DNAH8: variants seen among roughly 807,000 people sequenced by gnomAD.
DNAH8 encodes axonemal beta dynein heavy chain 8.
Under a neutral mutation model 562.1 loss-of-function variants are expected in DNAH8, and 382 were observed. The observed-to-expected ratio is 0.68, with a 90% CI of 0.63 to 0.74. The LOEUF (loss-of-function observed/expected upper bound fraction) is 0.74. Among genes scored for constraint, DNAH8 ranks in the 30% least tolerant of loss-of-function variants. The pLI is 0.00. For synonymous variants in DNAH8, 1,881 were observed against 1,919.4 expected (o/e 0.98, Z 0.52); for missense variants, 5,203 against 5,620.4 (o/e 0.93, Z 2.37).
At chr6:39,001,523 G>A (rs934316228) in intron 88 of DNAH8, among the ~76,000 whole-genome samples, 12 of 152,118 alleles carry the variant, frequency 7.9e-5, no homozygotes, top group African/African-American at 2.6e-4. Context: ...TGAGGGCAGA[G>A]CATTCCAGGC....
chr6:38,949,688 G>T (rs1039126804), intron 81 of DNAH8, 118 bp downstream of exon 81: 1 of 655,194 alleles, frequency 1.5e-6, no homozygotes, highest in Non-Finnish European at 2.7e-6. Flanking sequence ...GGCAAAAACC[G>T]CAATTACTTT....
intron 21 of DNAH8, among the ~76,000 whole-genome samples, chr6:38,801,197 T>C (rs1770749810): frequency 6.6e-6 from 1 of 152,208 alleles, no homozygotes; most frequent in South Asian, 2.1e-4. Context: ...AAATTTTACG[T>C]CTATAATCCA....
At chr6:38,862,241 T>C (rs1776692497) in intron 43 of DNAH8, 39 bp from the exon 44 acceptor site, 2 of 1,584,174 alleles carry the variant, frequency 1.3e-6, no homozygotes, top group Non-Finnish European at 1.7e-6. Context: ...TAACGTGTCA[T>C]CCCATACTCA....
intron 16 of DNAH8, among the ~76,000 whole-genome samples, 193 bp downstream of exon 16, chr6:38,781,566 A>G (rs886973318): frequency 5.9e-5 from 9 of 152,228 alleles, no homozygotes; most frequent in African/African-American, 2.2e-4. Context: ...TAGATAAGCC[A>G]GTCTAATTAC....
At chr6:38,847,766 G>A (rs1206645230) in intron 36 of DNAH8, among the ~76,000 whole-genome samples, 3 of 152,130 alleles carry the variant, frequency 2.0e-5, no homozygotes, top group African/African-American at 7.2e-5. Context: ...CACTGCAGTC[G>A]GCTTCTTGCT....
chr6:38,821,605 C>T (rs997998570), intron 26 of DNAH8, among the ~76,000 whole-genome samples: 1 of 152,146 alleles, frequency 6.6e-6, no homozygotes, highest in African/African-American at 2.4e-5. Context: ...ACTCTGTTGC[C>T]CAGGCTGGAG....
In DNAH8 at chr6:38,914,392, CTTTTTTTTTTTTT is replaced by C. The variant is rs66765653; in HGVS notation, c.9963+454_9963+466del. ...GGTATATATGTGTGCTGCTTTTTCT[CTTTTTTTTTTTTT>C]TTTTTTTTTTTTTGAGACAGAGTCT... On this transcript the variant is annotated intron_variant, in intron 67 of 92. Coordinates refer to ENST00000327475, the MANE Select transcript of DNAH8 (RefSeq NM_001206927.2). Among the ~76,000 whole-genome samples, 46 of 63,988 alleles carry C rather than the reference CTTTTTTTTTTTTT, an allele frequency of 7.2e-4. 1 individual carries two copies. Among genetic ancestry groups the C allele is most frequent in the Admixed American group, 5.3e-3 (23 of 4,308 alleles). 42.0% of individuals were successfully genotyped at this position (63,988 alleles called of 152,430 possible).
intron 21 of DNAH8, among the ~76,000 whole-genome samples, chr6:38,798,947 C>G (rs1770537426): frequency 1.3e-5 from 2 of 152,148 alleles, no homozygotes; most frequent in South Asian, 4.2e-4. Context: ...ACCAGAGATG[C>G]AGCCTCCAAG....
At chr6:38,766,186 T>C (rs1364933777) in intron 11 of DNAH8, among the ~76,000 whole-genome samples, 1 of 149,836 alleles carries the variant, frequency 6.7e-6, no homozygotes, top group African/African-American at 2.4e-5. Context: ...TATAATGGAA[T>C]ATTATTCAGT....
At chr6:38,794,834 A>G (rs1430012971) in intron 21 of DNAH8, among the ~76,000 whole-genome samples, 1 of 149,710 alleles carries the variant, frequency 6.7e-6, no homozygotes, top group African/African-American at 2.5e-5. Context: ...TAGATTGTTT[A>G]TAGCTTTTGG....
At chr6:38,849,560 G>GT (rs1051809877) in intron 37 of DNAH8, among the ~76,000 whole-genome samples, 66 of 137,706 alleles carry the variant, frequency 4.8e-4, no homozygotes, top group Non-Finnish European at 7.1e-4. Flanking sequence ...GATAAAAGAG[G>GT]TTTTTTTTTT....
chr6:38,970,623 G>C (rs1005200743), intron 82 of DNAH8, among the ~76,000 whole-genome samples: 1 of 152,172 alleles, frequency 6.6e-6, no homozygotes, highest in African/African-American at 2.4e-5. Context: ...TGTCCTGACA[G>C]TGTCTCTGGT....
At chr6:38,814,977 C>T (rs1678694) in intron 25 of DNAH8, among the ~76,000 whole-genome samples, 3 of 151,976 alleles carry the variant, frequency 2.0e-5, no homozygotes, top group Non-Finnish European at 2.9e-5. Flanking sequence ...AGAAACGGTC[C>T]GTGACTCACC....
chr6:38,828,337 GA>G lies in DNAH8; in HGVS notation c.4188+57del, dbSNP rs546382282. The G allele has an allele frequency of 5.2e-4, 593 of 1,139,968 alleles. 2 individuals carry two copies. Among genetic ancestry groups the G allele is most frequent in the South Asian group, 4.4e-3 (291 of 65,818 alleles). The allele number at this position is 1,139,968 out of a possible 1,614,324, so 70.6% of individuals were successfully genotyped here. Reference sequence around the variant, plus strand: ...ATTTTTTCTTAAGTCACTATCTCCAGAAAAAAAAGGTATTTTATACCTTTTT... The same window carrying G: ...ATTTTTTCTTAAGTCACTATCTCCAGAAAAAAAGGTATTTTATACCTTTTT... On this transcript the variant is annotated intron_variant, in intron 30 of 92. Coordinates refer to ENST00000327475, the MANE Select transcript of DNAH8 (RefSeq NM_001206927.2).
intron 21 of DNAH8, among the ~76,000 whole-genome samples, chr6:38,795,717 C>G (rs1332098843): frequency 6.6e-6 from 1 of 152,142 alleles, no homozygotes. Flanking sequence ...TCTCACAAAC[C>G]TACCAGCAAG....
intron 79 of DNAH8, among the ~76,000 whole-genome samples, chr6:38,940,754 G>A (rs1051204404): frequency 6.6e-6 from 1 of 152,134 alleles, no homozygotes; most frequent in Non-Finnish European, 1.5e-5. Flanking sequence ...TTTGAAAGGC[G>A]GGGAAACAGT....
At chr6:38,840,664 C>A (rs886700992) in intron 33 of DNAH8, among the ~76,000 whole-genome samples, 2 of 152,216 alleles carry the variant, frequency 1.3e-5, no homozygotes, top group Non-Finnish European at 2.9e-5. Flanking sequence ...ATGCTGCTTT[C>A]TCTTTCCTGT....
At chr6:38,825,675 G>A (rs1423383074) in intron 28 of DNAH8, among the ~76,000 whole-genome samples, 1 of 152,114 alleles carries the variant, frequency 6.6e-6, no homozygotes, top group African/African-American at 2.4e-5. Flanking sequence ...GGGACAACTG[G>A]CTAGGTCCAG....
In DNAH8 at chr6:38,951,346, C is replaced by G. The variant is rs775302234; in HGVS notation, c.12277C>G (p.Gln4093Glu). 1.9e-6 allele frequency: 3 copies of G among 1,614,148 alleles called. No individual in the cohort carries two copies. The highest frequency in any genetic ancestry group is 2.5e-6 in the Non-Finnish European group (3 of 1,180,022). ...RSWCPDRTVF[Q>E]ARKYIADSLE... is the part of the protein sequence containing the mutation. ...TTGGTGCCCAGACCGTACTGTTTTT[C>G]AAGCAAGAAAGTATATTGCAGATTC... The change falls in exon 82 of 93, where the codon CAA (glutamine) becomes GAA (glutamate). Residue 4093 changes from glutamine (Q) to glutamate (E), a missense_variant. This residue lies in a region of DNAH8 where 1,399 missense variants were observed against 1,518.4 expected (regional missense o/e 0.92). Transcript: ENST00000327475.
Sources: gnomAD v4.1 joint callset for allele counts (sites outside exome capture counted in the v4.1 genomes callset) on GRCh38, gnomAD v4.1.1 for gene constraint, gnomAD v4.1.1 regional missense constraint, MANE v1.5 for transcripts, NCBI Gene and HGNC (gene_info 2026-07-23, HGNC 2026-07-21) for gene names.